Variants in DIAPH3 observed in about 807,000 individuals in gnomAD.
The protein encoded by DIAPH3 is protein diaphanous homolog 3.
A neutral mutation model predicts 144.3 loss-of-function variants in DIAPH3; 117 were observed. The ratio of observed to expected loss-of-function variants is 0.81; its 90% CI spans 0.70 to 0.95. DIAPH3 has a LOEUF of 0.95. Among genes scored for constraint, DIAPH3 ranks in the 40% least tolerant of loss-of-function variants. The pLI, the probability that DIAPH3 is intolerant of heterozygous loss-of-function variation, is 0.00. For missense variants in DIAPH3, 1,421 were observed against 1,412.7 expected (o/e 1.01, Z -0.09); for synonymous variants, 519 against 488.9 (o/e 1.06, Z -0.81).
At chr13:59,879,620 C>A (rs568748995) in intron 20 of DIAPH3, 152 bp from the exon 21 acceptor site, 1 of 1,168,026 alleles carries the variant, frequency 8.6e-7, no homozygotes, top group African/African-American at 1.6e-5. Context: ...GAGAAAAGCC[C>A]TGCTTGTTTT....
chr13:59,886,464 T>C (rs1402233323), intron 20 of DIAPH3, among the ~76,000 whole-genome samples: 2 of 152,138 alleles, frequency 1.3e-5, no homozygotes, highest in Non-Finnish European at 2.9e-5. Flanking sequence ...GCATACCATA[T>C]GAATTTTAGA....
chr13:59,758,487 G>A (rs1177348821), intron 27 of DIAPH3, among the ~76,000 whole-genome samples: 1 of 152,182 alleles, frequency 6.6e-6, no homozygotes, highest in Non-Finnish European at 1.5e-5. Context: ...GGAATGTGAG[G>A]TAATGACTGG....
At chr13:59,856,973 C>T (rs1010446276) in intron 22 of DIAPH3, among the ~76,000 whole-genome samples, 2 of 151,380 alleles carry the variant, frequency 1.3e-5, no homozygotes, top group Admixed American at 6.6e-5. Flanking sequence ...AATAATATAT[C>T]GTACACAAAT....
intron 24 of DIAPH3, among the ~76,000 whole-genome samples, chr13:59,813,627 G>A (rs866315317): frequency 4.6e-5 from 7 of 151,992 alleles, no homozygotes; most frequent in South Asian, 4.1e-4. Context: ...AGGCCAAGGC[G>A]GGTGGATCAT....
intron 27 of DIAPH3, among the ~76,000 whole-genome samples, chr13:59,684,742 G>A (rs2033126068): frequency 6.6e-6 from 1 of 151,974 alleles, no homozygotes; most frequent in East Asian, 1.9e-4. Context: ...AGAAGCTTTG[G>A]GAATAATTGA....
intron 21 of DIAPH3, among the ~76,000 whole-genome samples, chr13:59,875,796 C>A (rs1335564517): frequency 6.6e-6 from 1 of 151,946 alleles, no homozygotes; most frequent in African/African-American, 2.4e-5. Flanking sequence ...TGTCATATGT[C>A]ACATGAAATC....
At chr13:60,020,079 A>G (rs767069258) in intron 5 of DIAPH3, among the ~76,000 whole-genome samples, 5 of 152,206 alleles carry the variant, frequency 3.3e-5, no homozygotes, top group Admixed American at 2.0e-4. Flanking sequence ...ATACTCCTTG[A>G]GTATAGGGAC....
At chr13:59,861,178 A>G (rs2043558183) in intron 22 of DIAPH3, 2 of 1,395,964 alleles carry the variant, frequency 1.4e-6, no homozygotes, top group Non-Finnish European at 9.4e-7. Context: ...AAACTGTAAA[A>G]CAAAGTATTT....
At chr13:60,046,178 T>G (rs1242772712) in intron 4 of DIAPH3, among the ~76,000 whole-genome samples, 1 of 152,182 alleles carries the variant, frequency 6.6e-6, no homozygotes, top group Admixed American at 6.5e-5. Context: ...TGAATCCACA[T>G]TTTATAAAGT....
chr13:59,783,217 A>G (rs341569), intron 25 of DIAPH3, among the ~76,000 whole-genome samples: 112,304 of 151,678 alleles, frequency 0.74, 41,923 homozygotes, highest in East Asian at 0.88. Flanking sequence ...AAATAGAAAA[A>G]AGAAAGGAGG....
chr13:59,777,988 A>T (rs1252184034), intron 25 of DIAPH3, among the ~76,000 whole-genome samples: 2 of 152,212 alleles, frequency 1.3e-5, no homozygotes, highest in African/African-American at 4.8e-5. Context: ...CATTGTACCA[A>T]TGTTAAGTTA....
chr13:59,776,132 C>T (rs1290920440), intron 25 of DIAPH3, among the ~76,000 whole-genome samples: 1 of 152,146 alleles, frequency 6.6e-6, no homozygotes, highest in Non-Finnish European at 1.5e-5. Context: ...TTTTGATACA[C>T]AATCCCTTTA....
chr13:60,157,803 C>T (rs566989856), intron 1 of DIAPH3, among the ~76,000 whole-genome samples: 1 of 152,240 alleles, frequency 6.6e-6, no homozygotes, highest in East Asian at 1.9e-4. Context: ...CTGTCCCATC[C>T]GCTGGATGGG....
At chr13:59,747,135 C>T (rs914010654) in intron 27 of DIAPH3, among the ~76,000 whole-genome samples, 10 of 151,962 alleles carry the variant, frequency 6.6e-5, no homozygotes, top group African/African-American at 1.9e-4. Context: ...AGAAAATAAC[C>T]ACAATAGCAA....
At chr13:59,718,233 T>TAAAA (rs869180473) in intron 27 of DIAPH3, among the ~76,000 whole-genome samples, 1 of 151,350 alleles carries the variant, frequency 6.6e-6, no homozygotes, top group Non-Finnish European at 1.5e-5. Flanking sequence ...TTCCTTCCTT[T>TAAAA]AAAAAGAATA....
At chr13:59,941,783 G>GA (rs901913736) in intron 17 of DIAPH3, among the ~76,000 whole-genome samples, 5 of 151,174 alleles carry the variant, frequency 3.3e-5, no homozygotes, top group South Asian at 2.1e-4. Context: ...ACTCAATTAG[G>GA]AAAAAAAATG....
intron 5 of DIAPH3, among the ~76,000 whole-genome samples, chr13:60,035,868 C>T (rs745787172): frequency 2.6e-4 from 39 of 152,242 alleles, no homozygotes; most frequent in Middle Eastern, 6.8e-3. Context: ...AAATGCATCC[C>T]GCTAATATTT....
intron 17 of DIAPH3, among the ~76,000 whole-genome samples, chr13:59,939,496 T>C (rs2048418040): frequency 6.6e-6 from 1 of 152,186 alleles, no homozygotes. Context: ...AAGGAAGATC[T>C]TCATCTTTTC....
chr13:59,675,693 T>G (rs1430062571), intron 27 of DIAPH3, among the ~76,000 whole-genome samples: 2 of 152,214 alleles, frequency 1.3e-5, no homozygotes, highest in Non-Finnish European at 2.9e-5. Flanking sequence ...AAGCCCATTT[T>G]GTAGATAAGG....
Sources: allele counts gnomAD v4.1 joint callset (sites outside exome capture counted in the v4.1 genomes callset), GRCh38; gene constraint gnomAD v4.1.1; transcripts MANE v1.5; gene names NCBI Gene and HGNC (gene_info 2026-07-23, HGNC 2026-07-21).